The following TGFBR3 variants were observed in gnomAD, a reference collection of about 807,000 sequenced individuals.
TGFBR3 encodes the protein transforming growth factor beta receptor 3.
Under a neutral mutation model 87.9 loss-of-function variants are expected in TGFBR3, and 46 were observed. The ratio of observed to expected loss-of-function variants is 0.52; its 90% confidence interval spans 0.41 to 0.67. TGFBR3 has a LOEUF of 0.67. Among genes scored for constraint, TGFBR3 ranks in the 30% least tolerant of loss-of-function variants. TGFBR3 has a pLI of 0.00. For synonymous variants in TGFBR3, 381 were observed against 391.6 expected (o/e 0.97, Z 0.32); for missense variants, 866 against 1,041.9 (o/e 0.83, Z 2.32).
chr1:91,799,060 T>C (rs935765099), intron 2 of TGFBR3, among the ~76,000 whole-genome samples: 3 of 152,168 alleles, frequency 2.0e-5, no homozygotes, highest in Non-Finnish European at 4.4e-5. Flanking sequence ...ACCTCCCAGA[T>C]AGAACCCACG....
intron 4 of TGFBR3, among the ~76,000 whole-genome samples, chr1:91,756,736 T>C (rs1243989937): frequency 1.3e-5 from 2 of 152,208 alleles, no homozygotes; most frequent in African/African-American, 2.4e-5. Context: ...TGAGTTTAAA[T>C]GTTTTCTTTT....
chr1:91,824,084 T>C (rs1008806900), intron 2 of TGFBR3, among the ~76,000 whole-genome samples: 2 of 152,140 alleles, frequency 1.3e-5, no homozygotes, highest in Non-Finnish European at 2.9e-5. Context: ...GAGCCGAGAC[T>C]GTACCACTGC....
At position 91,903,713 on chromosome 1, in the gene TGFBR3, G is replaced by A. The variant is rs941827647; in HGVS notation, c.-175+2113C>T. Among the ~76,000 whole-genome samples, 10 of 152,168 alleles carry A rather than the reference G, an allele frequency of 6.6e-5. No individual in the cohort carries two copies. The East Asian group carries it at 1.7e-3, about 26-fold the overall frequency. Reference sequence around the variant, plus strand: ...TCTAAAAAAAAGAGTTTTGAAATAAGATCTCCATGTCAATTAGACATTCTT... The same window carrying A: ...TCTAAAAAAAAGAGTTTTGAAATAAAATCTCCATGTCAATTAGACATTCTT... On this transcript the variant is annotated intron_variant, in intron 1 of 17. Transcript: ENST00000370399.
intron 1 of TGFBR3, 179 bp from the exon 2 acceptor site, chr1:91,861,823 C>A: frequency 1.4e-5 from 5 of 370,082 alleles, no homozygotes; most frequent in South Asian, 5.4e-5. Context: ...ATTTTTATAG[C>A]AAATACTTTT....
intron 16 of TGFBR3, among the ~76,000 whole-genome samples, chr1:91,689,266 T>C (rs961318354): frequency 1.6e-4 from 25 of 152,242 alleles, no homozygotes; most frequent in Admixed American, 1.6e-3. Context: ...TTCTCCATTT[T>C]TCTGACACAG....
chr1:91,892,184 T>C (rs1679465243), intron 2 of TGFBR3, among the ~76,000 whole-genome samples: 1 of 152,164 alleles, frequency 6.6e-6, no homozygotes, highest in Non-Finnish European at 1.5e-5. Context: ...GGGATTCTGA[T>C]GAAGCAGGAA....
intron 2 of TGFBR3, among the ~76,000 whole-genome samples, chr1:91,806,478 G>A (rs546444479): frequency 3.9e-5 from 6 of 152,014 alleles, no homozygotes; most frequent in Non-Finnish European, 5.9e-5. Flanking sequence ...ATACTGGCGG[G>A]GGGGGTAATG....
rs778674614 is a variant in TGFBR3 at position 91,797,467 on chromosome 1, T to C, written c.66A>G (p.Pro22=). 4 of 1,614,240 alleles carry C rather than the reference T, an allele frequency of 2.5e-6. 1 individual carries two copies. In the South Asian group the frequency reaches 3.3e-5, roughly 13 times the overall value. ...LMSSCLATAG[P]EPGALCELSP... Reference sequence around the variant, plus strand: ...ACAGTTCACACAGTGCACCAGGCTCTGGACCTGCCAAGGGAATCACAAACA... The same window carrying C: ...ACAGTTCACACAGTGCACCAGGCTCCGGACCTGCCAAGGGAATCACAAACA... The change falls in exon 3 of 17, where the codon CCA becomes CCG. Residue 22 remains proline (P), a synonymous_variant. Coordinates refer to ENST00000212355, the MANE Select transcript of TGFBR3 (RefSeq NM_003243.5).
upstream of TGFBR3, among the ~76,000 whole-genome samples, chr1:91,889,857 T>G (rs1485829694): frequency 6.6e-6 from 1 of 151,860 alleles, no homozygotes; most frequent in Non-Finnish European, 1.5e-5. Flanking sequence ...ATATTTGTAT[T>G]TTCAGTAGAG....
chr1:91,708,993 T>C (rs1671890949), intron 13 of TGFBR3, among the ~76,000 whole-genome samples: 1 of 152,240 alleles, frequency 6.6e-6, no homozygotes, highest in South Asian at 2.1e-4. Flanking sequence ...TACCTGAAGA[T>C]GCAAATATCA....
chr1:91,887,182 G>A (rs1461111623), upstream of TGFBR3, among the ~76,000 whole-genome samples: 1 of 144,670 alleles, frequency 6.9e-6, no homozygotes, highest in African/African-American at 2.6e-5. Context: ...CAGTTCAAAT[G>A]AAGGGCTTGG....
At chr1:91,793,447 G>A (rs753285281) in intron 3 of TGFBR3, among the ~76,000 whole-genome samples, 10 of 152,012 alleles carry the variant, frequency 6.6e-5, no homozygotes, top group Non-Finnish European at 1.2e-4. Context: ...GAGCCAGCAC[G>A]GTAATTGTTT....
At chr1:91,858,630 A>C (rs886109594) in intron 2 of TGFBR3, among the ~76,000 whole-genome samples, 10 of 150,320 alleles carry the variant, frequency 6.7e-5, no homozygotes, top group African/African-American at 2.5e-4. Context: ...AAAAAAAAAA[A>C]AAACAAAATT....
intron 3 of TGFBR3, among the ~76,000 whole-genome samples, chr1:91,787,956 A>AAAAAAAAAAAAAAAAAAC (rs906528422): frequency 4.0e-5 from 6 of 150,152 alleles, no homozygotes; most frequent in African/African-American, 1.2e-4. Flanking sequence ...AAAAAAAAAA[A>AAAAAAAAAAAAAAAAAAC]CCCCAAGAAG....
chr1:91,794,530 T>C (rs1033851959), intron 3 of TGFBR3, among the ~76,000 whole-genome samples: 1 of 152,138 alleles, frequency 6.6e-6, no homozygotes, highest in African/African-American at 2.4e-5. Flanking sequence ...ACATGTAACG[T>C]TTAGCAGTCA....
Position 91,883,309 on chromosome 1 carries a change from C to T in TGFBR3, c.-114+2569G>A, listed in dbSNP as rs143869150. 3.3e-3 allele frequency among the ~76,000 whole-genome samples: 509 copies of T among 152,184 alleles called. 2 individuals are homozygous for T. Among genetic ancestry groups the T allele is most frequent in the South Asian group, 0.014 (69 of 4,806 alleles). ...TGTGAGCCACTGTGCCTGGCCTACA[C>T]ACCACTTAAGGAAACAAATTGAAAA... On this transcript the variant is annotated intron_variant, in intron 1 of 16. Coordinates refer to ENST00000212355, the MANE Select transcript of TGFBR3 (RefSeq NM_003243.5).
intron 3 of TGFBR3, among the ~76,000 whole-genome samples, chr1:91,763,855 T>C (rs1048588077): frequency 5.3e-5 from 8 of 152,186 alleles, no homozygotes; most frequent in African/African-American, 1.9e-4. Flanking sequence ...TGCTGCAGTA[T>C]TTAAAGTATA....
chr1:91,796,973 T>C (rs1196133086), intron 3 of TGFBR3, among the ~76,000 whole-genome samples: 1 of 151,966 alleles, frequency 6.6e-6, no homozygotes, highest in African/African-American at 2.4e-5. Flanking sequence ...CATGCGATCC[T>C]CCCACCTTGG....
At chr1:91,732,158 C>G (rs1672797099) in intron 5 of TGFBR3, among the ~76,000 whole-genome samples, 1 of 152,128 alleles carries the variant, frequency 6.6e-6, no homozygotes, top group Non-Finnish European at 1.5e-5. Flanking sequence ...AGGAATGAAC[C>G]TGGGGGGTAA....
Sources: allele counts gnomAD v4.1 joint callset (sites outside exome capture counted in the v4.1 genomes callset), GRCh38; gene constraint gnomAD v4.1.1; transcripts MANE v1.5; gene names NCBI Gene and HGNC (gene_info 2026-07-23, HGNC 2026-07-21).